LRP1B: variants seen among roughly 807,000 people sequenced by gnomAD.
The protein encoded by LRP1B is LDL receptor related protein 1B, also known as low-density lipoprotein receptor-related protein 1B.
A neutral mutation model predicts 556.6 loss-of-function variants in LRP1B; 217 were observed. The observed-to-expected ratio is 0.39, with a 90% CI of 0.35 to 0.44. The LOEUF (loss-of-function observed/expected upper bound fraction) is 0.44. Among genes scored for constraint, LRP1B ranks in the 20% least tolerant of loss-of-function variants. The probability of loss-of-function intolerance (pLI) is 1.00; values close to 1 mark genes in which losing one functional copy is unlikely to be tolerated. For missense variants in LRP1B, 5,053 were observed against 5,620.8 expected (o/e 0.90, Z 3.23); for synonymous variants, 2,047 against 1,865.8 (o/e 1.10, Z -2.50).
intron 2 of LRP1B, among the ~76,000 whole-genome samples, chr2:141,798,204 G>A (rs922612913): frequency 2.0e-5 from 3 of 151,858 alleles, no homozygotes; most frequent in African/African-American, 7.3e-5. Flanking sequence ...ATGTGAACAT[G>A]ACAAATATGT....
intron 3 of LRP1B, among the ~76,000 whole-genome samples, chr2:141,265,191 C>A (rs541184162): frequency 6.6e-6 from 1 of 152,278 alleles, no homozygotes; most frequent in South Asian, 2.1e-4. Flanking sequence ...TCCAAAGCAG[C>A]CTGAGCCAGC....
intron 3 of LRP1B, among the ~76,000 whole-genome samples, chr2:141,448,504 G>A (rs897091383): frequency 6.6e-6 from 1 of 152,176 alleles, no homozygotes; most frequent in African/African-American, 2.4e-5. Flanking sequence ...CTGCCTAAAA[G>A]GCTGCCCAGG....
chr2:140,735,433 T>C lies in LRP1B; in HGVS notation c.5759-18617A>G, dbSNP rs76997716. Among the ~76,000 whole-genome samples the C allele has an allele frequency of 0.021, 3,211 of 152,142 alleles. 190 individuals carry two copies. In the East Asian group the frequency reaches 0.22, roughly 11 times the overall value. On this transcript the variant is annotated intron_variant, in intron 35 of 90. Coordinates refer to ENST00000389484, the MANE Select transcript of LRP1B (RefSeq NM_018557.3). ...ATTACAAAGAGGCTCATAACTCCCA[T>C]GGTAGAAAAATGGACACAGCTGAGC...
chr2:140,246,735 A>G (rs1330069371), intron 87 of LRP1B, among the ~76,000 whole-genome samples: 5 of 151,476 alleles, frequency 3.3e-5, no homozygotes, highest in Non-Finnish European at 5.9e-5. Context: ...CTCTAATTAA[A>G]ACATGGAATT....
rs1696533645 is a variant in LRP1B at position 141,815,987 on chromosome 2, T to C, written c.83-5586A>G. ...GTTAGGAAAGGAATCAACTAAGAATTTGTGCAAGAATAACTTTCTAATAGC... is the reference window on the plus strand; with the variant it reads ...GTTAGGAAAGGAATCAACTAAGAATCTGTGCAAGAATAACTTTCTAATAGC... On this transcript the variant is annotated intron_variant, in intron 1 of 90. Transcript: ENST00000389484. Among the ~76,000 whole-genome samples, 3 of 152,172 alleles carry C rather than the reference T, an allele frequency of 2.0e-5. No homozygotes were observed. The South Asian group carries it at 6.2e-4, about 31-fold the overall frequency.
chr2:142,107,111 T>C (rs887472635), intron 1 of LRP1B, among the ~76,000 whole-genome samples: 1 of 152,146 alleles, frequency 6.6e-6, no homozygotes, highest in Non-Finnish European at 1.5e-5. Context: ...TGTTGATATA[T>C]TTCACAATAT....
chr2:141,335,298 A>G (rs535271154), intron 3 of LRP1B, among the ~76,000 whole-genome samples: 86 of 152,356 alleles, frequency 5.6e-4, no homozygotes, highest in Non-Finnish European at 1.1e-3. Context: ...ATGAGAAAAA[A>G]GAGTTCAGTT....
intron 20 of LRP1B, among the ~76,000 whole-genome samples, chr2:140,931,653 G>A (rs1173682879): frequency 6.6e-6 from 1 of 152,142 alleles, no homozygotes; most frequent in East Asian, 1.9e-4. Flanking sequence ...AAGTTTCAAT[G>A]TAGAGTTCTA....
chr2:141,134,580 T>C (rs1281618251), intron 7 of LRP1B, among the ~76,000 whole-genome samples: 1 of 151,754 alleles, frequency 6.6e-6, no homozygotes, highest in African/African-American at 2.4e-5. Flanking sequence ...TGTCCCTTAA[T>C]GGGTTTACCA....
chr2:141,717,151 A>T lies in LRP1B; in HGVS notation c.205+93128T>A, dbSNP rs529066708. On this transcript the variant is annotated intron_variant, in intron 2 of 90. Coordinates refer to ENST00000389484, the MANE Select transcript of LRP1B (RefSeq NM_018557.3). ...AGTAAAAATTAATCTCTTGCCCAGCACTAACCCAAAAGGACCTTCTCTATT... is the reference window on the plus strand; with the variant it reads ...AGTAAAAATTAATCTCTTGCCCAGCTCTAACCCAAAAGGACCTTCTCTATT... Among the ~76,000 whole-genome samples the T allele has an allele frequency of 6.6e-5, 10 of 152,288 alleles. No individual in the cohort carries two copies. The East Asian group carries it at 1.9e-3, about 29-fold the overall frequency.
In LRP1B at chr2:142,094,003, TG is replaced by T. The variant is rs199683405; in HGVS notation, c.82+36644del. ...GAGGCTGGGAATTCCAAGATCAAGG[TG>T]CCAGCAGATGTTGTCTGCTGAGAGA... is the stretch of plus-strand genomic sequence containing the variant. On this transcript the variant is annotated intron_variant, in intron 1 of 90. Transcript: ENST00000389484. Among the ~76,000 whole-genome samples, 1,180 of 152,166 alleles carry T rather than the reference TG, an allele frequency of 7.8e-3. 20 individuals carry two copies. Among genetic ancestry groups the T allele is most frequent in the African/African-American group, 0.026 (1,099 of 41,532 alleles).
At chr2:141,315,214 C>A (rs1454663246) in intron 3 of LRP1B, among the ~76,000 whole-genome samples, 1 of 147,610 alleles carries the variant, frequency 6.8e-6, no homozygotes, top group African/African-American at 2.5e-5. Context: ...ATAAAGTCTA[C>A]CAATCAAGAT....
chr2:142,103,636 A>G (rs958768391), intron 1 of LRP1B, among the ~76,000 whole-genome samples: 2 of 152,096 alleles, frequency 1.3e-5, no homozygotes, highest in African/African-American at 4.8e-5. Context: ...TTGGCCAAAC[A>G]ATGAAATGAC....
At chr2:141,272,525 T>A (rs756866908) in intron 3 of LRP1B, among the ~76,000 whole-genome samples, 13 of 152,010 alleles carry the variant, frequency 8.6e-5, no homozygotes, top group East Asian at 1.9e-4. Flanking sequence ...GTCAGAACTA[T>A]CAACAGCATA....
chr2:142,044,971 T>C (rs1017058684), intron 1 of LRP1B, among the ~76,000 whole-genome samples: 1 of 151,798 alleles, frequency 6.6e-6, no homozygotes, highest in Non-Finnish European at 1.5e-5. Context: ...AGTTTCTCCA[T>C]CTCTATATGC....
chr2:142,013,503 G>C (rs1703019980), intron 1 of LRP1B, among the ~76,000 whole-genome samples: 1 of 151,838 alleles, frequency 6.6e-6, no homozygotes, highest in African/African-American at 2.4e-5. Context: ...TAAGTATTAA[G>C]TATGCACAGA....
At chr2:141,256,236 T>C (rs1231900702) in intron 3 of LRP1B, among the ~76,000 whole-genome samples, 1 of 151,892 alleles carries the variant, frequency 6.6e-6, no homozygotes, top group Non-Finnish European at 1.5e-5. Flanking sequence ...AGAGTTTGGA[T>C]AGACAAAATT....
At chr2:141,419,585 T>C (rs895542884) in intron 3 of LRP1B, among the ~76,000 whole-genome samples, 3 of 152,158 alleles carry the variant, frequency 2.0e-5, no homozygotes, top group Non-Finnish European at 4.4e-5. Context: ...TAGTCTCTTA[T>C]AAACTTTTCC....
chr2:140,430,075 A>T (rs1180724262), intron 66 of LRP1B, among the ~76,000 whole-genome samples: 1 of 151,922 alleles, frequency 6.6e-6, no homozygotes, highest in African/African-American at 2.4e-5. Context: ...CCATTTCCCC[A>T]TATTTCCTTC....
Sources: allele counts gnomAD v4.1 joint callset (sites outside exome capture counted in the v4.1 genomes callset), GRCh38; gene constraint gnomAD v4.1.1; transcripts MANE v1.5; gene names NCBI Gene and HGNC (gene_info 2026-07-23, HGNC 2026-07-21).